The following RGS20 variants were observed in gnomAD, a reference collection of about 807,000 sequenced individuals.
RGS20 encodes the protein regulator of G protein signaling 20, also known as gz-selective GTPase-activating protein.
Under a neutral mutation model 33.6 loss-of-function variants are expected in RGS20, and 30 were observed. The ratio of observed to expected loss-of-function variants is 0.89; its 90% CI spans 0.67 to 1.21. The LOEUF is 1.21. Among genes scored for constraint, RGS20 ranks in the 50% most tolerant of loss-of-function variants. RGS20 has a pLI of 0.00. For missense variants in RGS20, 472 were observed against 502.4 expected (o/e 0.94, Z 0.58); for synonymous variants, 208 against 197.9 (o/e 1.05, Z -0.43).
At chr8:53,940,347 A>C (rs192539637) in intron 3 of RGS20, among the ~76,000 whole-genome samples, 1 of 152,344 alleles carries the variant, frequency 6.6e-6, no homozygotes, top group East Asian at 1.9e-4. Context: ...GATAATTTAC[A>C]CCTAAAAATC....
intron 2 of RGS20, among the ~76,000 whole-genome samples, chr8:53,932,042 T>C (rs1390085612): frequency 6.6e-6 from 1 of 152,222 alleles, no homozygotes; most frequent in Admixed American, 6.5e-5. Context: ...TATAAAATTC[T>C]GGGTGGAAAA....
At chr8:53,951,504 G>GA (rs997960322) in intron 4 of RGS20, among the ~76,000 whole-genome samples, 5 of 151,188 alleles carry the variant, frequency 3.3e-5, no homozygotes, top group African/African-American at 1.2e-4. Context: ...AAAAGAAAAA[G>GA]AAAAAAAGAA....
chr8:53,956,922 C>G (rs1442485405), intron 5 of RGS20, among the ~76,000 whole-genome samples: 1 of 152,122 alleles, frequency 6.6e-6, no homozygotes, highest in Non-Finnish European at 1.5e-5. Flanking sequence ...CCGAAGCAGG[C>G]AGATCACCTT....
rs993312770 is a variant in RGS20 at position 53,952,244 on chromosome 8, A to ATTT, written c.744-1813_744-1811dup. 4.0e-4 allele frequency among the ~76,000 whole-genome samples: 35 copies of ATTT among 88,242 alleles called. 2 individuals are homozygous for ATTT. The highest frequency in any genetic ancestry group is 1.1e-3 in the African/African-American group (20 of 18,668). 57.9% of individuals were successfully genotyped at this position (88,242 alleles called of 152,430 possible). A position where few individuals can be genotyped will look rare whatever the true frequency, so the allele number is the denominator to read the frequency against. Reference sequence around the variant, plus strand: ...AGGCACATGCCACCATGCCCAGCTAATTTTTTTTTTTTTTTTTTTTTGAGA... The same window carrying ATTT: ...AGGCACATGCCACCATGCCCAGCTAATTTTTTTTTTTTTTTTTTTTTTTTGAGA... On this transcript the variant is annotated intron_variant, in intron 4 of 5. Coordinates refer to ENST00000297313, the MANE Select transcript of RGS20 (RefSeq NM_170587.4).
chr8:53,900,786 T>A (rs919202403), intron 2 of RGS20, among the ~76,000 whole-genome samples: 1 of 152,186 alleles, frequency 6.6e-6, no homozygotes, highest in African/African-American at 2.4e-5. Flanking sequence ...CTCCCGCTAT[T>A]GCACCAGACT....
chr8:53,946,120 T>C (rs1188876169), intron 3 of RGS20, among the ~76,000 whole-genome samples: 1 of 152,228 alleles, frequency 6.6e-6, no homozygotes, highest in African/African-American at 2.4e-5. Flanking sequence ...AAGCCTCCAT[T>C]TTGACTGGAA....
chr8:53,881,943 C>A (rs886519438), intron 2 of RGS20, among the ~76,000 whole-genome samples: 1 of 152,022 alleles, frequency 6.6e-6, no homozygotes, highest in African/African-American at 2.4e-5. Flanking sequence ...GTGCAGGCTG[C>A]AGCTGGGGAC....
At chr8:53,883,187 G>A (rs193131572) in intron 2 of RGS20, among the ~76,000 whole-genome samples, 41 of 149,028 alleles carry the variant, frequency 2.8e-4, no homozygotes, top group East Asian at 1.2e-3. Context: ...ACTGAGTTTC[G>A]CTCTTGTGGC....
At chr8:53,883,690 A>G (rs1246316839) in intron 2 of RGS20, among the ~76,000 whole-genome samples, 1 of 151,922 alleles carries the variant, frequency 6.6e-6, no homozygotes, top group Non-Finnish European at 1.5e-5. Flanking sequence ...CACTCCTGTA[A>G]TCTCAGCACT....
chr8:53,857,648 A>G (rs1811708485), intron 1 of RGS20, among the ~76,000 whole-genome samples: 1 of 152,230 alleles, frequency 6.6e-6, no homozygotes, highest in African/African-American at 2.4e-5. Flanking sequence ...CCAAAATGCA[A>G]AATGCTCCAA....
At chr8:53,889,561 A>G (rs1177380378) in intron 2 of RGS20, among the ~76,000 whole-genome samples, 1 of 149,062 alleles carries the variant, frequency 6.7e-6, no homozygotes, top group East Asian at 2.0e-4. Flanking sequence ...TTTATTTTGG[A>G]TATTGGGAAG....
At chr8:53,870,044 T>A (rs1812025428) in intron 1 of RGS20, among the ~76,000 whole-genome samples, 1 of 152,166 alleles carries the variant, frequency 6.6e-6, no homozygotes. Context: ...AACTAGAAGC[T>A]GCCAATGGCC....
At chr8:53,922,561 A>G (rs1461282531) in intron 2 of RGS20, among the ~76,000 whole-genome samples, 1 of 152,068 alleles carries the variant, frequency 6.6e-6, no homozygotes, top group Non-Finnish European at 1.5e-5. Context: ...TATATATTTC[A>G]TGACTACTCT....
In RGS20 at chr8:53,879,280, C is replaced by A. The variant is rs1389465051; in HGVS notation, c.188C>A (p.Pro63Gln). 1.2e-6 allele frequency: 2 copies of A among 1,613,850 alleles called. No individual in the cohort carries two copies. Among genetic ancestry groups the A allele is most frequent in the South Asian group, 2.2e-5 (2 of 91,084 alleles). The change falls in exon 2 of 6, where the codon CCA becomes CAA. Residue 63 changes from proline to glutamine, a missense_variant. Around this residue, in one of 3 missense-constraint regions of RGS20, gnomAD observed 319 missense variants for 283.4 expected, o/e 1.13. Transcript: ENST00000297313. ...CAGTCCTTCCCGCCTGCACAGCTCCCAGACTCGCCCGCCGCCCCGAAGCTG... is the reference window on the plus strand; with the variant it reads ...CAGTCCTTCCCGCCTGCACAGCTCCAAGACTCGCCCGCCGCCCCGAAGCTG...
rs144176330 is a variant in RGS20, at chr8:53,906,745, GC to G, written c.510+27144del. The stretch of plus-strand genomic sequence containing the variant: ...AAACAGTGAAATTGAAATGAATGAG[GC>G]TCATGAGGAAAGGAGTTTTGTTCTT... On this transcript the variant is annotated intron_variant, in intron 2 of 5. Coordinates refer to ENST00000297313, the MANE Select transcript of RGS20 (RefSeq NM_170587.4). Among the ~76,000 whole-genome samples, 168 of 152,270 alleles carry G rather than the reference GC, an allele frequency of 1.1e-3. 4 individuals are homozygous for G. The East Asian group carries it at 0.029, about 27-fold the overall frequency.
intron 2 of RGS20, among the ~76,000 whole-genome samples, chr8:53,892,257 A>G (rs957720468): frequency 2.0e-5 from 3 of 152,194 alleles, no homozygotes; most frequent in Admixed American, 1.3e-4. Flanking sequence ...TCCATGGTGT[A>G]TATGTGCCAC....
chr8:53,905,336 A>G (rs893380996), intron 2 of RGS20, among the ~76,000 whole-genome samples: 1 of 152,238 alleles, frequency 6.6e-6, no homozygotes, highest in Non-Finnish European at 1.5e-5. Flanking sequence ...AAAATCCACC[A>G]GCTACTAAAC....
intron 2 of RGS20, among the ~76,000 whole-genome samples, chr8:53,888,033 G>C (rs896496192): frequency 3.3e-5 from 5 of 151,904 alleles, no homozygotes; most frequent in African/African-American, 1.2e-4. Context: ...GATGACTCCA[G>C]AAGAATCTTA....
intron 2 of RGS20, among the ~76,000 whole-genome samples, chr8:53,898,279 G>A (rs985363804): frequency 1.3e-5 from 2 of 152,162 alleles, no homozygotes; most frequent in Admixed American, 6.5e-5. Context: ...GATACCAGAT[G>A]TTACCCAGAC....
Sources: allele counts gnomAD v4.1 joint callset (sites outside exome capture counted in the v4.1 genomes callset), GRCh38; gene constraint gnomAD v4.1.1; regional missense constraint gnomAD v4.1.1; transcripts MANE v1.5; gene names NCBI Gene and HGNC (gene_info 2026-07-23, HGNC 2026-07-21).